The following PDPN variants were observed in gnomAD, a reference collection of about 807,000 sequenced individuals.
PDPN encodes podoplanin.
In PDPN, 12 loss-of-function variants were observed where a neutral mutation model predicts 23.2. The observed-to-expected ratio is 0.52, with a 90% confidence interval of 0.33 to 0.84. The LOEUF (loss-of-function observed/expected upper bound fraction) is 0.84, where lower values mean the gene tolerates loss of function less well. Among genes scored for constraint, PDPN ranks in the 40% least tolerant of loss-of-function variants. PDPN has a pLI of 0.02. For synonymous variants in PDPN, 77 were observed against 76.7 expected (o/e 1.00, Z -0.02); for missense variants, 199 against 212.2 (o/e 0.94, Z 0.39).
Position 13,592,796 on chromosome 1 carries a change from C to T in PDPN, c.67+8696C>T, listed in dbSNP as rs182811059. On this transcript the variant is annotated intron_variant, in intron 1 of 5. Transcript: ENST00000621990. Reference sequence around the variant, plus strand: ...AACTCCCGACCTCAGGTGATTCGTCCGCCTCTGCCTCCCAAAGTGCTGGGA... The same window carrying T: ...AACTCCCGACCTCAGGTGATTCGTCTGCCTCTGCCTCCCAAAGTGCTGGGA... 6.6e-5 allele frequency among the ~76,000 whole-genome samples: 10 copies of T among 152,178 alleles called. No homozygotes were observed. In the East Asian group the frequency reaches 1.5e-3, roughly 24 times the overall value.
chr1:13,592,582 T>A (rs2100217116), intron 1 of PDPN, among the ~76,000 whole-genome samples: 1 of 147,066 alleles, frequency 6.8e-6, no homozygotes, highest in South Asian at 2.1e-4. Context: ...AGAGTTTTGC[T>A]CTTGTTACCC....
At chr1:13,604,544 T>G (rs762484120) in intron 1 of PDPN, among the ~76,000 whole-genome samples, 2 of 152,170 alleles carry the variant, frequency 1.3e-5, no homozygotes, top group Non-Finnish European at 2.9e-5. Flanking sequence ...TTTATAAAGT[T>G]ACGCTTTCAA....
At position 13,595,846 on chromosome 1, in the gene PDPN, C is replaced by CG. The variant is rs1557540052; in HGVS notation, c.68-11322dup. 4 of 1,285,994 alleles carry CG rather than the reference C, an allele frequency of 3.1e-6. 1 individual carries two copies. The South Asian group carries it at 3.7e-5, about 12-fold the overall frequency. The allele number at this position is 1,285,994 out of a possible 1,614,324, so 79.7% of individuals were successfully genotyped here. ...TTACAGGGGAAGGCGTTTAACAACT[C>CG]GGGGGTGAAGCCTGGTGGACAGCGG... On this transcript the variant is annotated intron_variant, in intron 1 of 5. Transcript: ENST00000621990.
At chr1:13,586,358 C>G (rs1183213862) in intron 1 of PDPN, among the ~76,000 whole-genome samples, 1 of 152,126 alleles carries the variant, frequency 6.6e-6, no homozygotes, top group Admixed American at 6.5e-5. Context: ...TGAGGGAGGC[C>G]TCTGCATTGC....
chr1:13,610,107 G>A (rs1050478440), intron 2 of PDPN, among the ~76,000 whole-genome samples: 3 of 152,072 alleles, frequency 2.0e-5, no homozygotes, highest in Non-Finnish European at 2.9e-5. Flanking sequence ...GCTGAATAAC[G>A]TTCTGTTGCA....
chr1:13,592,673 C>T (rs561241661), intron 1 of PDPN, among the ~76,000 whole-genome samples: 10 of 151,762 alleles, frequency 6.6e-5, no homozygotes, highest in Admixed American at 4.6e-4. Flanking sequence ...CCTCAGCCTC[C>T]GAGTAGCTGG....
chr1:13,604,757 A>G (rs116412788), intron 1 of PDPN, among the ~76,000 whole-genome samples: 1,822 of 152,330 alleles, frequency 0.012, 30 homozygotes, highest in African/African-American at 0.04. Context: ...GAAGCTTAGT[A>G]AGTTTTTTAA....
At chr1:13,605,407 C>A (rs1260470297) in intron 1 of PDPN, among the ~76,000 whole-genome samples, 4 of 152,200 alleles carry the variant, frequency 2.6e-5, no homozygotes, top group East Asian at 3.8e-4. Flanking sequence ...ATTTCCAGAA[C>A]CACTGGAGTT....
chr1:13,602,495 A>G (rs1201586899), intron 1 of PDPN, among the ~76,000 whole-genome samples: 2 of 152,258 alleles, frequency 1.3e-5, no homozygotes, highest in Admixed American at 1.3e-4. Context: ...TAAAACCAGA[A>G]GACTGAAATC....
chr1:13,617,186 T>A lies in PDPN; in HGVS notation c.*1275T>A, dbSNP rs745508447. 6.6e-6 allele frequency: 1 copy of A among 152,028 alleles called. No individual in the cohort carries two copies. Among genetic ancestry groups the A allele is most frequent in the Non-Finnish European group, 1.5e-5 (1 of 68,008 alleles). The allele number at this position is 152,028 out of a possible 1,614,324, so 9.4% of individuals were successfully genotyped here. A position where few individuals can be genotyped will look rare whatever the true frequency, so the allele number is the denominator to read the frequency against. ...TTTTTTTTTTTTTCCTAAACAAAGTTTTTACACTGAGCAGATGCTCTGTCA... is the reference window on the plus strand; with the variant it reads ...TTTTTTTTTTTTTCCTAAACAAAGTATTTACACTGAGCAGATGCTCTGTCA... On this transcript the variant is annotated 3_prime_UTR_variant, in exon 6 of 6. Transcript: ENST00000621990.
chr1:13,607,997 C>T (rs984097397), intron 2 of PDPN, among the ~76,000 whole-genome samples: 2 of 151,926 alleles, frequency 1.3e-5, no homozygotes, highest in African/African-American at 4.8e-5. Context: ...CCCAGCTGCT[C>T]GGGAGGCTGA....
chr1:13,610,722 A>G (rs1170222369), intron 3 of PDPN, among the ~76,000 whole-genome samples: 2 of 152,224 alleles, frequency 1.3e-5, no homozygotes, highest in African/African-American at 4.8e-5. Flanking sequence ...CTCTCTACCT[A>G]GAATAACTAG....
rs115411767 is a variant in PDPN, at chr1:13,607,339, G to A, written c.201+33G>A. 3.6e-3 allele frequency: 5,738 copies of A among 1,593,172 alleles called. 28 individuals carry two copies. The highest frequency in any genetic ancestry group is 0.013 in the South Asian group (1,174 of 89,490). On this transcript the variant is annotated intron_variant, in intron 2 of 5. Transcript: ENST00000621990. ...TCCTGGGAAGAGAGGAATTTTTTCC[G>A]TAGGCATGTGATCACATGCAAGGCT...
chr1:13,606,117 G>T (rs553433458), intron 1 of PDPN, among the ~76,000 whole-genome samples: 1 of 151,988 alleles, frequency 6.6e-6, no homozygotes, highest in African/African-American at 2.4e-5. Context: ...AGCCTCCTGA[G>T]TAGCTAGGAT....
rs1390233783 is a variant in PDPN at position 13,617,670 on chromosome 1, C to T, written c.*1759C>T. 6.6e-6 allele frequency: 1 copy of T among 152,408 alleles called. No homozygotes were observed. Among genetic ancestry groups the T allele is most frequent in the African/African-American group, 2.4e-5 (1 of 41,454 alleles). The allele number at this position is 152,408 out of a possible 1,614,324, so 9.4% of individuals were successfully genotyped here. On this transcript the variant is annotated 3_prime_UTR_variant, in exon 6 of 6. Transcript: ENST00000621990. Reference sequence around the variant, plus strand: ...ACAGGCGTGTGCCACTGCGCTCGGCCTCAGATTCCATATTTGAACACCAGC... The same window carrying T: ...ACAGGCGTGTGCCACTGCGCTCGGCTTCAGATTCCATATTTGAACACCAGC...
chr1:13,615,784 G>A, intron 5 of PDPN, 121 bp from the exon 6 acceptor site: 3 of 917,974 alleles, frequency 3.3e-6, no homozygotes, highest in Middle Eastern at 2.2e-4. Flanking sequence ...AACAAGAGAT[G>A]ATCACCAGGT....
At chr1:13,593,831 A>G (rs1400792779) in intron 1 of PDPN, among the ~76,000 whole-genome samples, 4 of 152,216 alleles carry the variant, frequency 2.6e-5, no homozygotes, top group Non-Finnish European at 5.9e-5. Context: ...GGTTTTTGTC[A>G]TTTGGTACTA....
In PDPN at chr1:13,616,516, GAC is replaced by G. The variant is rs2100295789; in HGVS notation, c.*607_*608del. 6.5e-6 allele frequency: 1 copy of G among 153,168 alleles called. No individual in the cohort carries two copies. Among genetic ancestry groups the G allele is most frequent in the Admixed American group, 6.5e-5 (1 of 15,468 alleles). 9.5% of individuals were successfully genotyped at this position (153,168 alleles called of 1,614,324 possible). A position where few individuals can be genotyped will look rare whatever the true frequency, so the allele number is the denominator to read the frequency against. ...GCTGGTCCAGATTAATCATTTCAAA[GAC>G]ATCCATTTTAGATCACAAGCAGGAA... On this transcript the variant is annotated 3_prime_UTR_variant, in exon 6 of 6. Coordinates refer to ENST00000621990, the MANE Select transcript of PDPN (RefSeq NM_006474.5).
At chr1:13,594,866 G>A (rs1039497158) in intron 1 of PDPN, among the ~76,000 whole-genome samples, 4 of 151,834 alleles carry the variant, frequency 2.6e-5, no homozygotes, top group Non-Finnish European at 5.9e-5. Context: ...GTGGTGGCGG[G>A]CACCTGTAGT....
Sources: gnomAD v4.1 joint callset for allele counts (sites outside exome capture counted in the v4.1 genomes callset) on GRCh38, gnomAD v4.1.1 for gene constraint, MANE v1.5 for transcripts, NCBI Gene and HGNC (gene_info 2026-07-23, HGNC 2026-07-21) for gene names.